TONSL: variants seen among roughly 807,000 people sequenced by gnomAD.
The protein encoded by TONSL is tonsoku-like protein.
A neutral mutation model predicts 147.1 loss-of-function variants in TONSL; 112 were observed. The ratio of observed to expected loss-of-function variants is 0.76; its 90% CI spans 0.65 to 0.89. The LOEUF is 0.89. Ranked by LOEUF, TONSL falls within the 40% of genes least tolerant of loss-of-function variation. The probability of loss-of-function intolerance (pLI) is 0.00; values close to 1 mark genes in which losing one functional copy is unlikely to be tolerated. For missense variants in TONSL, 1,883 were observed against 1,864.6 expected (o/e 1.01, Z -0.18); for synonymous variants, 868 against 801.5 (o/e 1.08, Z -1.40).
rs1156410886 is a variant in TONSL at position 144,435,520 on chromosome 8, G to C, written c.2806C>G (p.Arg936Gly). The C allele has an allele frequency of 1.3e-6, 2 of 1,550,222 alleles. No individual in the cohort carries two copies. Among genetic ancestry groups the C allele is most frequent in the Admixed American group, 2.0e-5 (1 of 50,888 alleles). The change falls in exon 18 of 26, where the codon CGA becomes GGA. Residue 936 changes from arginine (R) to glycine (G), a missense_variant. Coordinates refer to ENST00000409379, the MANE Select transcript of TONSL (RefSeq NM_013432.5). ...AAGAGATGATCCTGAACTTGAACTCGAACCCGGATGGGAGGGGGCGGGGCC... is the reference window on the plus strand; with the variant it reads ...AAGAGATGATCCTGAACTTGAACTCCAACCCGGATGGGAGGGGGCGGGGCC... ...GPAPPPPIRV[R>G]VQVQDHLFLI...
rs767911441 is a variant in TONSL, at chr8:144,435,627, A to G, written c.2775+31T>C. The G allele has an allele frequency of 1.3e-5, 21 of 1,583,274 alleles. No homozygotes were observed. In the South Asian group the frequency reaches 2.3e-4, roughly 17 times the overall value. On this transcript the variant is annotated intron_variant, in intron 17 of 25. Transcript: ENST00000409379. ...CTACACCTGCCTGCCCGGAGTGGGG[A>G]GAGGGCTCTGCTCCAGGTCTGCATA...
Position 144,440,339 on chromosome 8 carries a change from G to T in TONSL, c.1290+12C>A. The T allele has an allele frequency of 6.3e-7, 1 of 1,578,064 alleles. No homozygotes were observed. ...ACCGGGGAGCCAGTATGGGTGGGAT[G>T]GGCTCTCGCACCTGCAGCTGGGGAC... On this transcript the variant is annotated intron_variant, in intron 10 of 25. Coordinates refer to ENST00000409379, the MANE Select transcript of TONSL (RefSeq NM_013432.5).
chr8:144,433,910 C>G, intron 21 of TONSL, 68 bp downstream of exon 21: 3 of 1,493,906 alleles, frequency 2.0e-6, no homozygotes, highest in Non-Finnish European at 2.7e-6. Flanking sequence ...CCTAGACCAC[C>G]CAGGGACCTG....
In TONSL at chr8:144,443,969, G is replaced by A; in HGVS notation, c.177C>T (p.Arg59=). The change falls in exon 3 of 26, where the codon CGC becomes CGT. Residue 59 remains arginine (R), a synonymous_variant. Coordinates refer to ENST00000409379, the MANE Select transcript of TONSL (RefSeq NM_013432.5). ...CGGCACAGCCCAGAGGGTCGTCAGC[G>A]CGCTCCCGAAGCTGCAGCTCCTGCC... ...QHWQELQLRE[R]ADDPLGCAVA... The A allele has an allele frequency of 6.5e-7, 1 of 1,541,712 alleles. No homozygotes were observed. Among genetic ancestry groups the A allele is most frequent in the East Asian group, 2.4e-5 (1 of 40,910 alleles).
rs761727821 is a variant in TONSL at position 144,438,685 on chromosome 8, G to A, written c.1531C>T (p.Gln511Ter). The A allele has an allele frequency of 3.7e-6, 6 of 1,613,162 alleles. No individual in the cohort carries two copies. The East Asian group carries it at 1.3e-4, about 36-fold the overall frequency. ...TPQLEEDEEL[Q>*]GHLGRRKGSK... ...CCCTTCCGCCGGCCCAGGTGGCCCT[G>A]AAGCTCCTCGTCCTCCTCCAGCTGC... The change falls in exon 12 of 26, where the codon CAG becomes TAG. Residue 511 changes from glutamine (Q) to a stop codon, truncating the protein, a stop_gained. Coordinates refer to ENST00000409379, the MANE Select transcript of TONSL (RefSeq NM_013432.5). LOFTEE classifies it high-confidence loss of function.
At chr8:144,441,557 A>C in intron 7 of TONSL, 1 of 198,808 alleles carries the variant, frequency 5.0e-6, no homozygotes, top group East Asian at 1.4e-4. Context: ...ATGCCACTGC[A>C]CTCCAGCCTG....
intron 13 of TONSL, chr8:144,438,197 A>G: frequency 3.8e-6 from 2 of 528,780 alleles, no homozygotes; most frequent in Non-Finnish European, 6.8e-6. Context: ...CACCCCGTGC[A>G]GCCTCCGCTT....
In TONSL at chr8:144,434,241, C is replaced by G; in HGVS notation, c.3124G>C (p.Gly1042Arg). ...QQVLQAVELQ[G>R]LGLSFSACSL... ...CAGGCGCTGAACGAGAGGCCCAAGC[C>G]CTGGAGCTCCACGGCCTGCAGCACC... Residue 1042 changes from glycine to arginine, a missense_variant, in exon 21 of 26, where the codon GGC (glycine) becomes CGC (arginine). Transcript: ENST00000409379. The G allele has an allele frequency of 2.0e-6, 3 of 1,531,376 alleles. No individual in the cohort carries two copies. The highest frequency in any genetic ancestry group is 2.6e-6 in the Non-Finnish European group (3 of 1,137,184). The allele number at this position is 1,531,376 out of a possible 1,614,324, so 94.9% of individuals were successfully genotyped here. A position where few individuals can be genotyped will look rare whatever the true frequency, so the allele number is the denominator to read the frequency against.
In TONSL at chr8:144,435,823, G is replaced by A. The variant is rs1823426480; in HGVS notation, c.2610C>T (p.Ser870=). 1 of 1,612,416 alleles carries A rather than the reference G, an allele frequency of 6.2e-7. No homozygotes were observed. The highest frequency in any genetic ancestry group is 1.1e-5 in the South Asian group (1 of 91,088). The change falls in exon 17 of 26, where the codon AGC becomes AGT. Residue 870 remains serine (S), a synonymous_variant. Transcript: ENST00000409379. ...SSTSGSDSEE[S]RPRARAKQVR... Reference sequence around the variant, plus strand: ...CCTGCTTGGCTCGGGCACGGGGCCTGCTCTCCTCACTGTCCGACCCAGAGG... The same window carrying A: ...CCTGCTTGGCTCGGGCACGGGGCCTACTCTCCTCACTGTCCGACCCAGAGG...
rs1823301428 is a variant in TONSL, at chr8:144,433,408, C to A, written c.3559+180G>T. 4.6e-6 allele frequency: 3 copies of A among 646,922 alleles called. No individual in the cohort carries two copies. The South Asian group carries it at 5.7e-5, about 12-fold the overall frequency. The allele number at this position is 646,922 out of a possible 1,614,324, so 40.1% of individuals were successfully genotyped here. A position where few individuals can be genotyped will look rare whatever the true frequency, so the allele number is the denominator to read the frequency against. ...TTTTTTCTTAAGGGATGGGGTCTCACTATGTGGGCCAGGCTTTCCTGGAAC... is the reference window on the plus strand; with the variant it reads ...TTTTTTCTTAAGGGATGGGGTCTCAATATGTGGGCCAGGCTTTCCTGGAAC... On this transcript the variant is annotated intron_variant, in intron 22 of 25. Transcript: ENST00000409379.
intron 23 of TONSL, 62 bp from the exon 24 acceptor site, chr8:144,431,213 C>A: frequency 6.5e-7 from 1 of 1,541,912 alleles, no homozygotes; most frequent in Non-Finnish European, 9.0e-7. Context: ...TGCCTGCTTC[C>A]CAGCAGGTGC....
chr8:144,441,981 C>G, intron 7 of TONSL, 56 bp downstream of exon 7: 2 of 1,530,058 alleles, frequency 1.3e-6, no homozygotes, highest in Non-Finnish European at 1.8e-6. Flanking sequence ...CCACCCCGCC[C>G]CCAGGCTCAC....
At chr8:144,434,767 C>A in intron 20 of TONSL, 44 bp downstream of exon 20, 1 of 1,598,192 alleles carries the variant, frequency 6.3e-7, no homozygotes, top group South Asian at 1.1e-5. Context: ...GCCCAACCCC[C>A]TTGTACGACC....
Position 144,429,194 on chromosome 8 carries a change from G to A in TONSL, c.4086C>T (p.Pro1362=), listed in dbSNP as rs1554877934. The A allele has an allele frequency of 1.3e-6, 2 of 1,534,506 alleles. No individual in the cohort carries two copies. Among genetic ancestry groups the A allele is most frequent in the Non-Finnish European group, 1.7e-6 (2 of 1,144,816 alleles). The change falls in exon 26 of 26, where the codon CCC becomes CCT. Residue 1362 remains proline (P), a synonymous_variant. Transcript: ENST00000409379. ...LRQLQPSRPG[P]GECTLDHGSK... ...AGCCGTGGTCCAGCGTGCACTCGCC[G>A]GGGCCCGGCCGACTGGGCTGCAGCT...
chr8:144,435,347 G>A, intron 18 of TONSL, 127 bp downstream of exon 18: 1 of 1,237,074 alleles, frequency 8.1e-7, no homozygotes, highest in Non-Finnish European at 1.1e-6. Context: ...TATTCCTGGG[G>A]GCCACAGGAT....
chr8:144,443,916 A>G lies in TONSL; in HGVS notation c.230T>C (p.Leu77Pro), dbSNP rs1392255031. 5.2e-6 allele frequency: 8 copies of G among 1,545,374 alleles called. No individual in the cohort carries two copies. Among genetic ancestry groups the G allele is most frequent in the Non-Finnish European group, 7.0e-6 (8 of 1,146,666 alleles). Residue 77 changes from leucine to proline, a missense_variant, in exon 3 of 26, where the codon CTG becomes CCG. Leu to Pro is a moderately conservative substitution (Grantham distance 98). Transcript: ENST00000409379. ...AVAHRKIGER[L>P]AEMEDYPAAL... Reference sequence around the variant, plus strand: ...AGCCGGGTAGTCCTCCATCTCGGCCAGGCGCTCTCCGATCTTGCGGTGGGC... The same window carrying G: ...AGCCGGGTAGTCCTCCATCTCGGCCGGGCGCTCTCCGATCTTGCGGTGGGC...
Position 144,435,088 on chromosome 8 carries a change from T to G in TONSL, c.2935A>C (p.Thr979Pro). The stretch of plus-strand genomic sequence containing the variant: ...AGCAGGGCCCCCTCTTTCCGTAGGG[T>G]GAGCCTGGGCAGCAGCCCGCAGGTC... ...YQTCGLLPRLTLRKEGALLAP... is the reference protein window; with the variant it reads ...YQTCGLLPRLPLRKEGALLAP... The change falls in exon 19 of 26, where the codon ACC becomes CCC. Residue 979 changes from threonine to proline, a missense_variant. By Grantham distance (38) the Thr-to-Pro change is conservative (BLOSUM62 -1). Transcript: ENST00000409379. The G allele has an allele frequency of 1.2e-6, 2 of 1,606,846 alleles. No homozygotes were observed. The highest frequency in any genetic ancestry group is 1.7e-6 in the Non-Finnish European group (2 of 1,177,326).
intron 22 of TONSL, chr8:144,432,770 C>A: frequency 3.6e-6 from 1 of 274,306 alleles, no homozygotes; most frequent in Non-Finnish European, 6.9e-6. Context: ...CATTGCTGCC[C>A]CCCTTACACT....
intron 25 of TONSL, 44 bp from the exon 26 acceptor site, chr8:144,429,380 C>T (rs781955047): frequency 1.9e-4 from 256 of 1,355,992 alleles, no homozygotes; most frequent in Admixed American, 3.6e-5. Context: ...CGGGGGCCGG[C>T]GGCGTCCTGG....
Sources: allele counts gnomAD v4.1 joint callset, GRCh38; gene constraint gnomAD v4.1.1; transcripts MANE v1.5; gene names NCBI Gene and HGNC (gene_info 2026-07-23, HGNC 2026-07-21).